Variants in GIGYF2 observed in about 807,000 individuals in gnomAD.
GIGYF2 encodes GRB10-interacting GYF protein 2.
In GIGYF2, 25 loss-of-function variants were observed where a neutral mutation model predicts 208.1. The observed-to-expected ratio is 0.12, with a 90% CI of 0.09 to 0.17. The LOEUF (loss-of-function observed/expected upper bound fraction) is 0.17, where lower values mean the gene tolerates loss of function less well. Ranked by LOEUF, GIGYF2 falls within the 10% of genes least tolerant of loss-of-function variation. The pLI is 1.00. For synonymous variants in GIGYF2, 534 were observed against 543.8 expected (o/e 0.98, Z 0.25); for missense variants, 1,302 against 1,579.4 (o/e 0.82, Z 2.98).
At chr2:232,752,329 T>C (rs1309644640) in intron 5 of GIGYF2, among the ~76,000 whole-genome samples, 2 of 152,210 alleles carry the variant, frequency 1.3e-5, no homozygotes, top group East Asian at 1.9e-4. Context: ...GTAAATACTT[T>C]AATAACTTAA....
chr2:232,805,630 T>C (rs1024589213), intron 14 of GIGYF2, among the ~76,000 whole-genome samples: 11 of 152,230 alleles, frequency 7.2e-5, no homozygotes, highest in African/African-American at 2.2e-4. Context: ...TGCTGGCTTC[T>C]TCATCTCCAA....
At chr2:232,725,357 T>G (rs1031262123) in intron 2 of GIGYF2, among the ~76,000 whole-genome samples, 1 of 152,216 alleles carries the variant, frequency 6.6e-6, no homozygotes, top group Non-Finnish European at 1.5e-5. Context: ...AGATCCTAGG[T>G]CTTTCTTCTT....
chr2:232,816,701 A>AT (rs1700923356), intron 19 of GIGYF2, among the ~76,000 whole-genome samples, 170 bp from the exon 20 acceptor site: 1 of 152,178 alleles, frequency 6.6e-6, no homozygotes, highest in African/African-American at 2.4e-5. Context: ...TTAATATTCC[A>AT]TTGTATGTAT....
At chr2:232,750,286 C>T (rs1474001531) in intron 5 of GIGYF2, among the ~76,000 whole-genome samples, 1 of 152,042 alleles carries the variant, frequency 6.6e-6, no homozygotes, top group Non-Finnish European at 1.5e-5. Context: ...GAAAATGCAC[C>T]TTGGACATGG....
intron 21 of GIGYF2, among the ~76,000 whole-genome samples, chr2:232,821,258 A>G (rs1168363162): frequency 6.6e-6 from 1 of 152,214 alleles, no homozygotes; most frequent in Admixed American, 6.5e-5. Context: ...GCTGGAGCGC[A>G]GTGGTGCCAT....
At chr2:232,825,290 CCTT>C (rs1301799100) in intron 21 of GIGYF2, among the ~76,000 whole-genome samples, 8 of 152,246 alleles carry the variant, frequency 5.3e-5, no homozygotes, top group Admixed American at 4.6e-4. Flanking sequence ...AAATTGAAAA[CCTT>C]CTGTAAAGGA....
intron 28 of GIGYF2, among the ~76,000 whole-genome samples, chr2:232,855,080 C>CTTTTTTT (rs201395041): frequency 1.4e-4 from 15 of 109,168 alleles, no homozygotes; most frequent in South Asian, 3.1e-4. Flanking sequence ...CTTTTTCTTT[C>CTTTTTTT]TTTTTTTTTT....
intron 28 of GIGYF2, among the ~76,000 whole-genome samples, 153 bp from the exon 29 acceptor site, chr2:232,856,640 C>T (rs981590771): frequency 2.6e-5 from 4 of 152,090 alleles, no homozygotes; most frequent in East Asian, 3.9e-4. Flanking sequence ...TGCTGTGAGC[C>T]GAGATCACGC....
Position 232,791,013 on chromosome 2 carries a change from A to G in GIGYF2, c.936A>G (p.Val312=). The G allele has an allele frequency of 6.2e-7, 1 of 1,613,974 alleles. No individual in the cohort carries two copies. Among genetic ancestry groups the G allele is most frequent in the Non-Finnish European group, 8.5e-7 (1 of 1,179,876 alleles). The change falls in exon 11 of 29, where the codon GTA becomes GTG. Residue 312 remains valine (V), a synonymous_variant. Transcript: ENST00000373563. ...GTTTTATTCTCTTTCTACAGAAAGT[A>G]CAGAAAGAGCCTATTCCAGAAGAGC... is the stretch of plus-strand genomic sequence containing the variant. ...SSGAFLSLKK[V]QKEPIPEEQE...
rs1349539345 is a variant in GIGYF2 at position 232,858,386 on chromosome 2, C to T, written c.*1526C>T. 2.4e-6 allele frequency: 1 copy of T among 424,344 alleles called. No individual in the cohort carries two copies. Among genetic ancestry groups the T allele is most frequent in the Non-Finnish European group, 4.6e-6 (1 of 217,684 alleles). The allele number at this position is 424,344 out of a possible 1,614,324, so 26.3% of individuals were successfully genotyped here. ...CCTTCTTGCCTCCCTCCCTTCTAAA[C>T]ATGTGTAATAACTATACAGAGACTG... is the stretch of plus-strand genomic sequence containing the variant. On this transcript the variant is annotated 3_prime_UTR_variant, in exon 29 of 29. Transcript: ENST00000373563.
At chr2:232,732,633 T>G (rs1396220211) in intron 2 of GIGYF2, among the ~76,000 whole-genome samples, 1 of 150,164 alleles carries the variant, frequency 6.7e-6, no homozygotes, top group Non-Finnish European at 1.5e-5. Context: ...TTATTTTAAT[T>G]TTTTTAATTT....
Position 232,815,040 on chromosome 2 carries a change from T to C in GIGYF2, c.2108-597T>C, listed in dbSNP as rs145667045. Among the ~76,000 whole-genome samples, 6 of 152,354 alleles carry C rather than the reference T, an allele frequency of 3.9e-5. No homozygotes were observed. The East Asian group carries it at 1.2e-3, about 29-fold the overall frequency. ...CCCTTCAGGTTAGCAGGACCAGGTC[T>C]CACTTGTAAGACCTGCCTGGCCTTT... On this transcript the variant is annotated intron_variant, in intron 18 of 28. Transcript: ENST00000373563.
chr2:232,747,528 C>T, intron 3 of GIGYF2, 87 bp from the exon 4 acceptor site: 1 of 1,441,018 alleles, frequency 6.9e-7, no homozygotes. Context: ...TTCTAAAGAA[C>T]TAAAATGAAT....
At chr2:232,759,005 C>T (rs188839133) in intron 6 of GIGYF2, among the ~76,000 whole-genome samples, 11 of 152,200 alleles carry the variant, frequency 7.2e-5, no homozygotes, top group East Asian at 3.9e-4. Flanking sequence ...ATAGTTCCAC[C>T]GTGCTTCTCA....
intron 4 of GIGYF2, among the ~76,000 whole-genome samples, chr2:232,748,552 T>A (rs1288948010): frequency 6.6e-6 from 1 of 152,260 alleles, no homozygotes; most frequent in African/African-American, 2.4e-5. Flanking sequence ...CCAAAAGTGC[T>A]GGGATTACAG....
intron 8 of GIGYF2, among the ~76,000 whole-genome samples, chr2:232,785,440 C>G (rs1327156112): frequency 6.6e-6 from 1 of 152,178 alleles, no homozygotes; most frequent in Non-Finnish European, 1.5e-5. Context: ...GGTGGTAAGT[C>G]TCAGTTCTTT....
At chr2:232,836,495 G>A (rs1701643197) in intron 22 of GIGYF2, among the ~76,000 whole-genome samples, 1 of 138,596 alleles carries the variant, frequency 7.2e-6, no homozygotes, top group Admixed American at 7.7e-5. Flanking sequence ...GAGCCTGGGA[G>A]ACAGAGGTTA....
chr2:232,759,409 G>A (rs985572392), intron 6 of GIGYF2, among the ~76,000 whole-genome samples: 2 of 146,800 alleles, frequency 1.4e-5, no homozygotes, highest in African/African-American at 5.1e-5. Flanking sequence ...ACAAATGTTT[G>A]TTGGGAAAAC....
At chr2:232,735,996 T>C (rs983387065) in intron 3 of GIGYF2, 1 of 982,308 alleles carries the variant, frequency 1.0e-6, no homozygotes, top group Non-Finnish European at 1.2e-6. Context: ...TCTTAAACTC[T>C]TGGTTGTTCA....
Sources: allele counts gnomAD v4.1 joint callset (sites outside exome capture counted in the v4.1 genomes callset), GRCh38; gene constraint gnomAD v4.1.1; transcripts MANE v1.5; gene names NCBI Gene and HGNC (gene_info 2026-07-23, HGNC 2026-07-21).